Variants in GRIN2B observed in about 807,000 individuals in gnomAD.
The protein encoded by GRIN2B is glutamate ionotropic receptor NMDA type subunit 2B, also known as glutamate receptor ionotropic, NMDA 2B.
A neutral mutation model predicts 114.5 loss-of-function variants in GRIN2B; 5 were observed. The ratio of observed to expected loss-of-function variants is 0.04; its 90% CI spans 0.02 to 0.09. GRIN2B has a LOEUF of 0.09. Among genes scored for constraint, GRIN2B ranks in the 10% least tolerant of loss-of-function variants. The pLI, the probability that GRIN2B is intolerant of heterozygous loss-of-function variation, is 1.00. For missense variants in GRIN2B, 1,108 were observed against 1,943.5 expected (o/e 0.57, Z 8.08); for synonymous variants, 787 against 745.1 (o/e 1.06, Z -0.92).
intron 2 of GRIN2B, among the ~76,000 whole-genome samples, chr12:13,887,576 A>C (rs2136772476): frequency 6.6e-6 from 1 of 152,358 alleles, no homozygotes; most frequent in Admixed American, 6.5e-5. Context: ...AGAAATCTAA[A>C]CTTCTAACAG....
intron 4 of GRIN2B, among the ~76,000 whole-genome samples, chr12:13,737,210 C>CT (rs569716558): frequency 2.0e-4 from 29 of 148,702 alleles, no homozygotes; most frequent in African/African-American, 2.2e-4. Flanking sequence ...CATATAATAT[C>CT]TTTTTTTTTT....
intron 2 of GRIN2B, among the ~76,000 whole-genome samples, chr12:13,965,843 T>C (rs1170010827): frequency 6.6e-6 from 1 of 152,222 alleles, no homozygotes; most frequent in African/African-American, 2.4e-5. Flanking sequence ...TTTTGCATGA[T>C]ATGTCAATCT....
At chr12:13,675,666 GACTA>G in intron 5 of GRIN2B, 75 bp downstream of exon 5, 1 of 863,048 alleles carries the variant, frequency 1.2e-6, no homozygotes, top group Non-Finnish European at 2.0e-6. Flanking sequence ...AAAGCCAAAG[GACTA>G]CTTTCCTTCA....
At chr12:13,686,043 T>C (rs190054119) in intron 4 of GRIN2B, among the ~76,000 whole-genome samples, 1 of 152,182 alleles carries the variant, frequency 6.6e-6, no homozygotes, top group Admixed American at 6.6e-5. Context: ...AGAAAATACA[T>C]CTAGATGAGA....
At chr12:13,824,972 T>G (rs909244129) in intron 3 of GRIN2B, among the ~76,000 whole-genome samples, 1 of 152,134 alleles carries the variant, frequency 6.6e-6, no homozygotes, top group African/African-American at 2.4e-5. Flanking sequence ...TTTATTCTGT[T>G]TATCTTACTC....
At chr12:13,799,703 G>A (rs774754976) in intron 3 of GRIN2B, among the ~76,000 whole-genome samples, 4 of 152,088 alleles carry the variant, frequency 2.6e-5, no homozygotes, top group Non-Finnish European at 5.9e-5. Context: ...AGGAGAGAGG[G>A]GGGGAAAGGA....
chr12:13,546,692 G>A lies in GRIN2B; in HGVS notation c.*16091C>T, dbSNP rs540738793. ...AAAATAACATGCAACAACTCACTGGGCGAGAAATTTAGAAACACTTGCCTC... is the reference window on the plus strand; with the variant it reads ...AAAATAACATGCAACAACTCACTGGACGAGAAATTTAGAAACACTTGCCTC... On this transcript the variant is annotated 3_prime_UTR_variant, in exon 14 of 14. Coordinates refer to ENST00000609686, the MANE Select transcript of GRIN2B (RefSeq NM_000834.5). 2.0e-5 allele frequency: 3 copies of A among 152,118 alleles called. No homozygotes were observed. Among genetic ancestry groups the A allele is most frequent in the East Asian group, 1.9e-4 (1 of 5,192 alleles). The allele number at this position is 152,118 out of a possible 1,614,324, so 9.4% of individuals were successfully genotyped here.
intron 2 of GRIN2B, among the ~76,000 whole-genome samples, chr12:13,938,058 T>C (rs1243838908): frequency 6.6e-6 from 1 of 152,018 alleles, no homozygotes; most frequent in East Asian, 1.9e-4. Context: ...AAAAAGATAC[T>C]AAGTAGAGGT....
At chr12:13,575,514 C>T (rs1206856781) in intron 10 of GRIN2B, among the ~76,000 whole-genome samples, 1 of 151,864 alleles carries the variant, frequency 6.6e-6, no homozygotes, top group African/African-American at 2.4e-5. Context: ...TAAAAATTAG[C>T]CGTGCGTGGT....
At chr12:13,860,239 A>T (rs1264939363) in intron 3 of GRIN2B, among the ~76,000 whole-genome samples, 1 of 152,230 alleles carries the variant, frequency 6.6e-6, no homozygotes, top group Non-Finnish European at 1.5e-5. Context: ...CCATCTTCCT[A>T]TCCCCAATTA....
At chr12:13,788,614 G>A (rs1165356052) in intron 3 of GRIN2B, among the ~76,000 whole-genome samples, 2 of 152,142 alleles carry the variant, frequency 1.3e-5, no homozygotes, top group East Asian at 1.9e-4. Context: ...GGTGCCCACT[G>A]GGAAAACAAT....
At chr12:13,680,435 GTTGTGTGTGTGTGTGTGTGT>G (rs1305574786) in intron 4 of GRIN2B, among the ~76,000 whole-genome samples, 1 of 116,460 alleles carries the variant, frequency 8.6e-6, no homozygotes, top group East Asian at 2.8e-4. Flanking sequence ...TCCCATCAAG[GTTGTGTGTGTGTGTGTGTGT>G]GTGTGTGTGT....
chr12:13,736,088 G>A (rs1423644195), intron 4 of GRIN2B, among the ~76,000 whole-genome samples: 1 of 142,470 alleles, frequency 7.0e-6, no homozygotes, highest in Non-Finnish European at 1.5e-5. Flanking sequence ...ACATTTCTCA[G>A]TTTCCTTGAC....
At chr12:13,934,016 T>A (rs1287912496) in intron 2 of GRIN2B, among the ~76,000 whole-genome samples, 1 of 152,182 alleles carries the variant, frequency 6.6e-6, no homozygotes, top group Non-Finnish European at 1.5e-5. Context: ...TCCTACCACT[T>A]GAGGAGACTA....
At chr12:13,684,307 T>C (rs1950158156) in intron 4 of GRIN2B, among the ~76,000 whole-genome samples, 1 of 152,184 alleles carries the variant, frequency 6.6e-6, no homozygotes, top group Admixed American at 6.5e-5. Context: ...TAATTCTCTT[T>C]AAAATCCCTT....
intron 2 of GRIN2B, among the ~76,000 whole-genome samples, chr12:13,965,447 T>C (rs1867774159): frequency 1.3e-5 from 2 of 152,220 alleles, no homozygotes; most frequent in Admixed American, 1.3e-4. Context: ...GAATCTGTCA[T>C]GAAGACCTGG....
Position 13,547,960 on chromosome 12 carries a change from TA to T in GRIN2B, c.*14822del, listed in dbSNP as rs1229130306. The T allele has an allele frequency of 1.6e-5, 1 of 63,704 alleles. No individual in the cohort carries two copies. The highest frequency in any genetic ancestry group is 5.5e-5 in the African/African-American group (1 of 18,114). The allele number at this position is 63,704 out of a possible 1,614,324, so 3.9% of individuals were successfully genotyped here. ...ATGTATGTATGTATGTATGTGTGTG[TA>T]TATATATATATATATATATATTTTT... On this transcript the variant is annotated 3_prime_UTR_variant, in exon 14 of 14. Coordinates refer to ENST00000609686, the MANE Select transcript of GRIN2B (RefSeq NM_000834.5).
chr12:13,898,839 A>T (rs1329319086), intron 2 of GRIN2B, among the ~76,000 whole-genome samples: 2 of 152,242 alleles, frequency 1.3e-5, no homozygotes, highest in Non-Finnish European at 2.9e-5. Flanking sequence ...TGAACCCAGG[A>T]GGCGGAGGTT....
chr12:13,957,610 G>A (rs1395924704), intron 2 of GRIN2B, among the ~76,000 whole-genome samples: 2 of 152,144 alleles, frequency 1.3e-5, no homozygotes, highest in Non-Finnish European at 2.9e-5. Context: ...AACCACACAG[G>A]AACGAGTGCT....
Sources: gnomAD v4.1 joint callset for allele counts (sites outside exome capture counted in the v4.1 genomes callset) on GRCh38, gnomAD v4.1.1 for gene constraint, MANE v1.5 for transcripts, NCBI Gene and HGNC (gene_info 2026-07-23, HGNC 2026-07-21) for gene names.